ABHD2: variants seen among roughly 807,000 people sequenced by gnomAD.
ABHD2 encodes monoacylglycerol lipase ABHD2.
In ABHD2, 20 loss-of-function variants were observed where a neutral mutation model predicts 48.1. That is an observed-to-expected ratio of 0.42 (90% CI 0.29 to 0.60). ABHD2 has a LOEUF of 0.60. ABHD2 is among the 20% of genes least tolerant of loss of function. The pLI is 0.24. For synonymous variants in ABHD2, 209 were observed against 214.2 expected, an observed-to-expected ratio of 0.98 and a Z score of 0.21; for missense variants, 405 against 550.9, an observed-to-expected ratio of 0.74 and a Z score of 2.65.
intron 3 of ABHD2, among the ~76,000 whole-genome samples, chr15:89,127,816 A>G (rs1344570803): frequency 2.0e-5 from 3 of 150,664 alleles, no homozygotes; most frequent in Non-Finnish European, 4.4e-5. Context: ...TGTACACCAT[A>G]CTCAGCCCCT....
At chr15:89,122,095 G>A (rs754049359) in intron 3 of ABHD2, among the ~76,000 whole-genome samples, 1 of 152,150 alleles carries the variant, frequency 6.6e-6, no homozygotes, top group Non-Finnish European at 1.5e-5. Flanking sequence ...CTCCCAAAGC[G>A]CTGGGATTTC....
rs1300979647 is a variant in ABHD2 at position 89,177,408 on chromosome 15, A to G, written c.722+1413A>G. On this transcript the variant is annotated intron_variant, in intron 6 of 10. Coordinates refer to ENST00000352732, the MANE Select transcript of ABHD2 (RefSeq NM_152924.5). The surrounding 1 kb of genome is among the most constrained non-coding windows in gnomAD (Gnocchi z 5.6). ...TAGTGACTGCCTCACTTCATAAGGA[A>G]TCACTTGGAGGATCATGTTAGAAAG... Among the ~76,000 whole-genome samples, 1 of 152,220 alleles carries G rather than the reference A, an allele frequency of 6.6e-6. No homozygotes were observed. The highest frequency in any genetic ancestry group is 1.5e-5 in the Non-Finnish European group (1 of 68,040).
the ABHD2 span, among the ~76,000 whole-genome samples, chr15:89,064,271 G>A: frequency 2.1e-5 from 3 of 144,684 alleles, no homozygotes; most frequent in Non-Finnish European, 4.5e-5. Flanking sequence ...CCAGGCTGGA[G>A]TGCAGTGGTG....
In ABHD2 at chr15:89,125,127, A is replaced by G. The variant is rs531784898; in HGVS notation, c.194+8606A>G. Among the ~76,000 whole-genome samples the G allele has an allele frequency of 1.5e-3, 227 of 151,820 alleles. 2 individuals carry two copies. The highest frequency in any genetic ancestry group is 4.9e-3 in the African/African-American group (204 of 41,354). On this transcript the variant is annotated intron_variant, in intron 3 of 10. Coordinates refer to ENST00000352732, the MANE Select transcript of ABHD2 (RefSeq NM_152924.5). The stretch of plus-strand genomic sequence containing the variant: ...ACCAGTTAGTTGGGCATGGTGGCAC[A>G]TGCCTGTAGTCCCAGCTACTGAGGA...
Position 89,120,362 on chromosome 15 carries a change from T to A in ABHD2, c.194+3841T>A, listed in dbSNP as rs1596081906. Among the ~76,000 whole-genome samples the A allele has an allele frequency of 6.6e-6, 1 of 152,216 alleles. No individual in the cohort carries two copies. Among genetic ancestry groups the A allele is most frequent in the African/African-American group, 2.4e-5 (1 of 41,450 alleles). The stretch of plus-strand genomic sequence containing the variant: ...CAAGCAGACGCCCAGTTCGGAATTA[T>A]GACAAAAATCTAGATAGTCATACAA... On this transcript the variant is annotated intron_variant, in intron 3 of 10. Transcript: ENST00000352732. The surrounding 1 kb of genome is among the most constrained non-coding windows in gnomAD (Gnocchi z 4.2).
intron 3 of ABHD2, among the ~76,000 whole-genome samples, chr15:89,118,793 G>C (rs1198812047): frequency 6.6e-6 from 1 of 152,146 alleles, no homozygotes; most frequent in African/African-American, 2.4e-5. Context: ...GCTGACTGTG[G>C]CAGTTTTTAC....
chr15:89,072,006 C>T, the ABHD2 span, among the ~76,000 whole-genome samples: 6 of 152,212 alleles, frequency 3.9e-5, no homozygotes, highest in Non-Finnish European at 8.8e-5. Context: ...AGGAAACCCC[C>T]AGTCCTGGGC....
chr15:89,129,775 A>G (rs2050190745), intron 3 of ABHD2, among the ~76,000 whole-genome samples: 1 of 151,900 alleles, frequency 6.6e-6, no homozygotes, highest in Non-Finnish European at 1.5e-5. Flanking sequence ...CTTATTTCAT[A>G]GGTTCAGTAT....
At chr15:89,145,888 C>T (rs1199826824) in intron 3 of ABHD2, among the ~76,000 whole-genome samples, 1 of 152,184 alleles carries the variant, frequency 6.6e-6, no homozygotes, top group Non-Finnish European at 1.5e-5. Context: ...AGCCTCTTTT[C>T]CATTTAGTAG....
In ABHD2 at chr15:89,175,950, A is replaced by T; in HGVS notation, c.677A>T (p.Lys226Met). The T allele has an allele frequency of 1.2e-6, 2 of 1,613,998 alleles. No individual in the cohort carries two copies. Among genetic ancestry groups the T allele is most frequent in the Non-Finnish European group, 1.7e-6 (2 of 1,179,946 alleles). The change falls in exon 6 of 11, where the codon AAG (lysine) becomes ATG (methionine). Residue 226 changes from lysine (K) to methionine (M), a missense_variant. Transcript: ENST00000352732. The surrounding 1 kb of genome is among the most constrained non-coding windows in gnomAD (Gnocchi z 5.7). ...GGGGAGACTCAGGCAAACCAAGAGA[A>T]GGTCCTGTGCTGCGTCAGCGTGTGC... Reference protein sequence around the residue: ...YLGETQANQEKVLCCVSVCQG... With the variant: ...YLGETQANQEMVLCCVSVCQG...
In ABHD2 at chr15:89,173,437, G is replaced by A. The variant is rs1002341611; in HGVS notation, c.539-2375G>A. 6.6e-6 allele frequency among the ~76,000 whole-genome samples: 1 copy of A among 152,198 alleles called. No homozygotes were observed. The highest frequency in any genetic ancestry group is 2.4e-5 in the African/African-American group (1 of 41,456). On this transcript the variant is annotated intron_variant, in intron 5 of 10. Coordinates refer to ENST00000352732, the MANE Select transcript of ABHD2 (RefSeq NM_152924.5). The surrounding 1 kb of genome is among the most constrained non-coding windows in gnomAD (Gnocchi z 6.5). Reference sequence around the variant, plus strand: ...AAAATACAAAAATTAGCTGGACATGGTGGCACATGCCTGTAACCCCAGCTA... The same window carrying A: ...AAAATACAAAAATTAGCTGGACATGATGGCACATGCCTGTAACCCCAGCTA...
At chr15:89,156,050 G>A (rs1188868275) in intron 5 of ABHD2, among the ~76,000 whole-genome samples, 1 of 150,840 alleles carries the variant, frequency 6.6e-6, no homozygotes, top group African/African-American at 2.4e-5. Context: ...AAAATTTTGT[G>A]TTAGCTGGGC....
At chr15:89,130,324 A>C (rs980892022) in intron 3 of ABHD2, among the ~76,000 whole-genome samples, 2 of 152,192 alleles carry the variant, frequency 1.3e-5, no homozygotes, top group Non-Finnish European at 2.9e-5. Context: ...GATGGAGGTG[A>C]CATCTCAACA....
At chr15:89,124,054 G>C (rs927403057) in intron 3 of ABHD2, among the ~76,000 whole-genome samples, 6 of 152,094 alleles carry the variant, frequency 3.9e-5, no homozygotes, top group Non-Finnish European at 8.8e-5. Flanking sequence ...GCTCAGTTCT[G>C]TGTGTACGAA....
chr15:89,054,315 C>G, the ABHD2 span, among the ~76,000 whole-genome samples: 25,152 of 122,796 alleles, frequency 0.2, 2,299 homozygotes, highest in Admixed American at 0.24. Flanking sequence ...GGGCAAGACT[C>G]TGTCTCAAAA....
chr15:89,181,178 A>T (rs2051104970), intron 6 of ABHD2, among the ~76,000 whole-genome samples: 1 of 130,462 alleles, frequency 7.7e-6, no homozygotes, highest in African/African-American at 2.9e-5. Context: ...GTGAGCCGAG[A>T]TCATGCCATT....
rs199669891 is a variant in ABHD2, at chr15:89,175,939, A to C, written c.666A>C (p.Ala222=). The C allele has an allele frequency of 1.2e-6, 2 of 1,614,090 alleles. No individual in the cohort carries two copies. Among genetic ancestry groups the C allele is most frequent in the East Asian group, 4.5e-5 (2 of 44,872 alleles). Residue 222 remains alanine (A), a synonymous_variant, in exon 6 of 11, where the codon GCA becomes GCC. Transcript: ENST00000352732. The surrounding 1 kb of genome is among the most constrained non-coding windows in gnomAD (Gnocchi z 5.7). ...GCAAATACTTGGGGGAGACTCAGGC[A>C]AACCAAGAGAAGGTCCTGTGCTGCG... ...IVCKYLGETQ[A]NQEKVLCCVS...
At chr15:89,071,610 C>T in the ABHD2 span, among the ~76,000 whole-genome samples, 1 of 152,254 alleles carries the variant, frequency 6.6e-6, no homozygotes, top group African/African-American at 2.4e-5. Context: ...AAACAAATGG[C>T]CTCCATCCCT....
chr15:89,183,381 AAAAATATATATATATATATAT>A (rs1377236935), intron 6 of ABHD2: 3 of 72,740 alleles, frequency 4.1e-5, no homozygotes, highest in African/African-American at 2.3e-4. Context: ...AAAAAAAAAA[AAAAATATATATATATATATAT>A]ATATATATAT....
Sources: gnomAD v4.1 joint callset for allele counts (sites outside exome capture counted in the v4.1 genomes callset) on GRCh38, gnomAD v4.1.1 for gene constraint, Gnocchi (gnomAD v3.1) non-coding constraint, MANE v1.5 for transcripts, NCBI Gene and HGNC (gene_info 2026-07-23, HGNC 2026-07-21) for gene names.